WHAMM: variants seen among roughly 807,000 people sequenced by gnomAD.
WHAMM encodes WASP homolog-associated protein with actin, membranes and microtubules.
WHAMM carries 67 observed loss-of-function variants against 76.5 expected under a neutral mutation model. That is an observed-to-expected ratio of 0.88 (90% CI 0.72 to 1.07). The LOEUF is 1.07. WHAMM is among the 50% of genes least tolerant of loss of function. The pLI is 0.00. For synonymous variants in WHAMM, 419 were observed against 422.1 expected (o/e 0.99, Z 0.09); for missense variants, 1,021 against 1,051.1 (o/e 0.97, Z 0.40).
At chr15:82,811,597 TA>T (rs1161276103) in intron 1 of WHAMM, among the ~76,000 whole-genome samples, 2 of 152,174 alleles carry the variant, frequency 1.3e-5, no homozygotes. Flanking sequence ...ATCTGGAACT[TA>T]AAAATGAGGG....
In WHAMM at chr15:82,833,542, A is replaced by G. The variant is rs763708007; in HGVS notation, c.*6A>G. ...CTGGCCAGTGGGATGGTTAGGCTCA[A>G]GTTTGACAAAGGCACCTGCCACAGT... On this transcript the variant is annotated 3_prime_UTR_variant, in exon 10 of 10. Transcript: ENST00000286760. The G allele has an allele frequency of 8.1e-6, 13 of 1,611,416 alleles. No homozygotes were observed. The African/African-American group carries it at 1.7e-4, about 22-fold the overall frequency.
At chr15:82,822,935 CAT>C (rs559330890) in intron 5 of WHAMM, among the ~76,000 whole-genome samples, 163 bp from the exon 6 acceptor site, 205 of 151,720 alleles carry the variant, frequency 1.4e-3, no homozygotes, top group Non-Finnish European at 2.2e-3. Context: ...TGTATATACA[CAT>C]GTGTGCATGT....
At chr15:82,820,547 G>A (rs7165470) in intron 5 of WHAMM, among the ~76,000 whole-genome samples, 2,128 of 152,122 alleles carry the variant, frequency 0.014, 51 homozygotes, top group African/African-American at 0.048. Flanking sequence ...ATTATTTTCT[G>A]ATTTCTAAAT....
At chr15:82,821,238 A>AT (rs2050821895) in intron 5 of WHAMM, among the ~76,000 whole-genome samples, 1 of 152,132 alleles carries the variant, frequency 6.6e-6, no homozygotes, top group African/African-American at 2.4e-5. Flanking sequence ...TTTCAGAAAT[A>AT]TTTAATTTTT....
chr15:82,821,154 C>T (rs1173141889), intron 5 of WHAMM, among the ~76,000 whole-genome samples: 1 of 152,188 alleles, frequency 6.6e-6, no homozygotes, highest in Non-Finnish European at 1.5e-5. Context: ...TTCCTTTCCA[C>T]ATTAAAAATA....
intron 9 of WHAMM, among the ~76,000 whole-genome samples, chr15:82,832,640 C>T (rs1347909874): frequency 6.6e-6 from 1 of 152,130 alleles, no homozygotes; most frequent in African/African-American, 2.4e-5. Flanking sequence ...AAAAATGTGC[C>T]AGCACCACCC....
chr15:82,813,821 T>C (rs2050674593), intron 2 of WHAMM, among the ~76,000 whole-genome samples: 2 of 151,810 alleles, frequency 1.3e-5, no homozygotes, highest in Non-Finnish European at 2.9e-5. Flanking sequence ...CACGCCCAGC[T>C]AACTTTTTTT....
Position 82,833,671 on chromosome 15 carries a change from G to T in WHAMM, c.*135G>T. ...CCCCGGAAGATCAGCAGGGCCTTGT[G>T]TAGGCTGCTGCAGCATTTTTTTTTT... On this transcript the variant is annotated 3_prime_UTR_variant, in exon 10 of 10. Coordinates refer to ENST00000286760, the MANE Select transcript of WHAMM (RefSeq NM_001080435.3). The T allele has an allele frequency of 2.2e-6, 2 of 924,162 alleles. No individual in the cohort carries two copies. Among genetic ancestry groups the T allele is most frequent in the Non-Finnish European group, 1.6e-6 (1 of 634,866 alleles). The allele number at this position is 924,162 out of a possible 1,614,324, so 57.2% of individuals were successfully genotyped here.
chr15:82,816,655 T>TA, intron 2 of WHAMM, 37 bp from the exon 3 acceptor site: 2 of 1,523,436 alleles, frequency 1.3e-6, no homozygotes, highest in Non-Finnish European at 1.8e-6. Flanking sequence ...ACATAACTAT[T>TA]AGCTCTTACT....
chr15:82,826,556 C>T, intron 7 of WHAMM, 60 bp downstream of exon 7: 1 of 1,592,506 alleles, frequency 6.3e-7, no homozygotes, highest in Non-Finnish European at 8.6e-7. Flanking sequence ...CAGGCCTAGA[C>T]TTGTGGAAAC....
rs1220708071 is a variant in WHAMM at position 82,816,761 on chromosome 15, A to G, written c.853A>G (p.Thr285Ala). The stretch of plus-strand genomic sequence containing the variant: ...CCTGGAGAAAGAAGCTGAAGAATGG[A>G]CCAGACGGGCTGAAGAAGCTGTCGT... ...VALEKEAEEWTRRAEEAVVSI... is the reference protein window; with the variant it reads ...VALEKEAEEWARRAEEAVVSI... The change falls in exon 3 of 10, where the codon ACC becomes GCC. Residue 285 changes from threonine (T) to alanine (A), a missense_variant. By Grantham distance (58) the Thr-to-Ala change is moderately conservative (BLOSUM62 0). This residue lies in a region of WHAMM where 501 missense variants were observed against 524.9 expected (regional missense o/e 0.95). Coordinates refer to ENST00000286760, the MANE Select transcript of WHAMM (RefSeq NM_001080435.3). 6.4e-7 allele frequency: 1 copy of G among 1,559,466 alleles called. No individual in the cohort carries two copies. Among genetic ancestry groups the G allele is most frequent in the South Asian group, 1.2e-5 (1 of 84,538 alleles).
chr15:82,821,590 G>A (rs762385968), intron 5 of WHAMM, among the ~76,000 whole-genome samples: 2 of 152,090 alleles, frequency 1.3e-5, no homozygotes, highest in Non-Finnish European at 2.9e-5. Context: ...TTCTGCTGCT[G>A]GCTCCATACC....
chr15:82,822,196 A>G (rs1188600767), intron 5 of WHAMM, among the ~76,000 whole-genome samples: 1 of 152,196 alleles, frequency 6.6e-6, no homozygotes, highest in African/African-American at 2.4e-5. Context: ...ATATATGACT[A>G]AGACATCTTA....
chr15:82,810,369 G>A, intron 1 of WHAMM, 34 bp downstream of exon 1: 1 of 1,293,132 alleles, frequency 7.7e-7, no homozygotes, highest in Non-Finnish European at 9.8e-7. Flanking sequence ...GTTCGTCCGC[G>A]CTTCCATGGC....
intron 6 of WHAMM, among the ~76,000 whole-genome samples, chr15:82,824,268 C>A (rs929276303): frequency 5.4e-5 from 8 of 149,450 alleles, no homozygotes; most frequent in African/African-American, 2.0e-4. Flanking sequence ...AGCGAGTCTT[C>A]TGCCTCAGCC....
chr15:82,829,758 T>G (rs962552698), intron 8 of WHAMM, among the ~76,000 whole-genome samples: 36 of 152,160 alleles, frequency 2.4e-4, no homozygotes, highest in African/African-American at 8.4e-4. Context: ...ACTCATCCTT[T>G]GCCAGTTTCT....
Position 82,833,408 on chromosome 15 carries a change from C to G in WHAMM, c.2302C>G (p.Pro768Ala). ...PDLGPNPSSK[P>A]TSNRRTSDLE... ...TCTTGGCCCAAACCCCAGCAGCAAA[C>G]CAACCAGCAACAGACGCACCAGTGA... Residue 768 changes from proline to alanine, a missense_variant, in exon 10 of 10, where the codon CCA (proline) becomes GCA (alanine). By Grantham distance (27) the Pro-to-Ala change is conservative. This residue lies in a region of WHAMM where 509 missense variants were observed against 492.3 expected (regional missense o/e 1.03). Transcript: ENST00000286760. 4 of 1,614,038 alleles carry G rather than the reference C, an allele frequency of 2.5e-6. No individual in the cohort carries two copies. The highest frequency in any genetic ancestry group is 3.4e-6 in the Non-Finnish European group (4 of 1,179,908).
At chr15:82,818,457 T>C (rs1356559250) in intron 4 of WHAMM, among the ~76,000 whole-genome samples, 1 of 152,240 alleles carries the variant, frequency 6.6e-6, no homozygotes, top group Non-Finnish European at 1.5e-5. Context: ...CAACACCATC[T>C]TCTGTGGAAG....
chr15:82,826,938 A>G, intron 8 of WHAMM, 92 bp downstream of exon 8: 2 of 1,305,466 alleles, frequency 1.5e-6, no homozygotes, highest in Non-Finnish European at 2.0e-6. Flanking sequence ...TATTAAGAAC[A>G]GGTCATTCAG....
Sources: gnomAD v4.1 joint callset for allele counts (sites outside exome capture counted in the v4.1 genomes callset) on GRCh38, gnomAD v4.1.1 for gene constraint, gnomAD v4.1.1 regional missense constraint, MANE v1.5 for transcripts, NCBI Gene and HGNC (gene_info 2026-07-23, HGNC 2026-07-21) for gene names.